The following SSBP2 variants were observed in gnomAD, a reference collection of about 807,000 sequenced individuals.
The protein encoded by SSBP2 is single-stranded DNA-binding protein 2.
SSBP2 carries 17 observed loss-of-function variants against 61.8 expected under a neutral mutation model. The ratio of observed to expected loss-of-function variants is 0.28; its 90% CI spans 0.19 to 0.41. SSBP2 has a LOEUF of 0.41. Among genes scored for constraint, SSBP2 ranks in the 10% least tolerant of loss-of-function variants. The pLI is 1.00. For synonymous variants in SSBP2, 139 were observed against 141.3 expected (o/e 0.98, Z 0.12); for missense variants, 310 against 458.7 (o/e 0.68, Z 2.96).
At chr5:81,427,639 C>T (rs11740719) in intron 16 of SSBP2, among the ~76,000 whole-genome samples, 57,195 of 152,042 alleles carry the variant, frequency 0.38, 12,484 homozygotes, top group African/African-American at 0.61. Context: ...TAGTCTCTCT[C>T]ATGATTCTGA....
At chr5:81,643,932 A>C (rs1218946444) in intron 2 of SSBP2, among the ~76,000 whole-genome samples, 2 of 152,188 alleles carry the variant, frequency 1.3e-5, no homozygotes, top group Non-Finnish European at 2.9e-5. Context: ...TCAAAAAATT[A>C]AAGGCAATAG....
At chr5:81,728,614 G>A (rs755937012) in intron 1 of SSBP2, among the ~76,000 whole-genome samples, 4 of 152,156 alleles carry the variant, frequency 2.6e-5, no homozygotes, top group Non-Finnish European at 5.9e-5. Flanking sequence ...CAATAATAGT[G>A]TGGATCAGAT....
intron 5 of SSBP2, among the ~76,000 whole-genome samples, chr5:81,503,022 C>T (rs1163546968): frequency 2.0e-5 from 3 of 152,120 alleles, no homozygotes; most frequent in Admixed American, 6.5e-5. Context: ...AGGACATAGA[C>T]ACTTTTCAGA....
chr5:81,481,360 G>A (rs1249649642), intron 6 of SSBP2, among the ~76,000 whole-genome samples: 1 of 151,992 alleles, frequency 6.6e-6, no homozygotes, highest in Non-Finnish European at 1.5e-5. Flanking sequence ...AGTGGCTCAC[G>A]CCTGTAATCT....
intron 4 of SSBP2, among the ~76,000 whole-genome samples, chr5:81,604,969 G>A (rs1161739915): frequency 1.3e-5 from 2 of 151,946 alleles, no homozygotes; most frequent in Non-Finnish European, 2.9e-5. Flanking sequence ...TGAGAAATTT[G>A]TTAATTGAAA....
intron 3 of SSBP2, among the ~76,000 whole-genome samples, chr5:81,627,545 T>G (rs963362941): frequency 6.6e-6 from 1 of 152,194 alleles, no homozygotes; most frequent in African/African-American, 2.4e-5. Flanking sequence ...TTGGTTATTC[T>G]TAGCTATACC....
At chr5:81,598,705 A>T (rs1466533161) in intron 4 of SSBP2, among the ~76,000 whole-genome samples, 4 of 152,132 alleles carry the variant, frequency 2.6e-5, no homozygotes, top group African/African-American at 9.7e-5. Flanking sequence ...CCTGAAGGAA[A>T]ATCAAAACTT....
chr5:81,450,697 T>C (rs1240982208), intron 10 of SSBP2, among the ~76,000 whole-genome samples: 1 of 152,224 alleles, frequency 6.6e-6, no homozygotes, highest in Non-Finnish European at 1.5e-5. Flanking sequence ...AATTCCACCA[T>C]GTTTACTTAG....
intron 9 of SSBP2, among the ~76,000 whole-genome samples, chr5:81,466,599 T>C (rs905293369): frequency 3.5e-4 from 53 of 152,018 alleles, no homozygotes; most frequent in African/African-American, 1.2e-3. Context: ...TATCTACTTC[T>C]ACAGAGTTAA....
At chr5:81,566,391 G>A (rs1773426327) in intron 4 of SSBP2, among the ~76,000 whole-genome samples, 1 of 152,116 alleles carries the variant, frequency 6.6e-6, no homozygotes, top group South Asian at 2.1e-4. Context: ...AGTCTCACAA[G>A]ACCTGACAGT....
At chr5:81,714,504 T>G (rs544280003) in intron 1 of SSBP2, among the ~76,000 whole-genome samples, 22 of 152,334 alleles carry the variant, frequency 1.4e-4, no homozygotes, top group Non-Finnish European at 3.1e-4. Context: ...ATGGTTGAAC[T>G]AATTTACACT....
intron 5 of SSBP2, among the ~76,000 whole-genome samples, chr5:81,505,574 A>G (rs1201046716): frequency 6.6e-6 from 1 of 152,160 alleles, no homozygotes; most frequent in Non-Finnish European, 1.5e-5. Context: ...CATATTTACA[A>G]TTTCCTCTCT....
intron 4 of SSBP2, among the ~76,000 whole-genome samples, chr5:81,548,331 T>C (rs1177397977): frequency 2.6e-5 from 4 of 152,176 alleles, no homozygotes; most frequent in African/African-American, 9.7e-5. Context: ...GGGCGCAGCA[T>C]GCTGATAAAA....
intron 4 of SSBP2, among the ~76,000 whole-genome samples, chr5:81,590,117 C>G (rs548649168): frequency 1.3e-5 from 2 of 151,990 alleles, no homozygotes; most frequent in Admixed American, 1.3e-4. Flanking sequence ...CAAACTGTCT[C>G]GCTCATAAGT....
At chr5:81,653,948 C>T (rs903882394) in intron 1 of SSBP2, among the ~76,000 whole-genome samples, 3 of 151,966 alleles carry the variant, frequency 2.0e-5, no homozygotes, top group Non-Finnish European at 2.9e-5. Context: ...AAGCTCCAAA[C>T]CTACTTCTCC....
chr5:81,739,645 CA>C (rs1653266074), intron 1 of SSBP2, among the ~76,000 whole-genome samples: 1 of 152,114 alleles, frequency 6.6e-6, no homozygotes, highest in African/African-American at 2.4e-5. Context: ...AGACGGTTAA[CA>C]TTTTTTTAAT....
chr5:81,746,339 C>T (rs1757346293), intron 1 of SSBP2, among the ~76,000 whole-genome samples: 1 of 151,970 alleles, frequency 6.6e-6, no homozygotes, highest in Non-Finnish European at 1.5e-5. Flanking sequence ...GGGGGAGGGG[C>T]AATTTAATAT....
intron 4 of SSBP2, among the ~76,000 whole-genome samples, chr5:81,614,874 T>C (rs1581171065): frequency 6.6e-6 from 1 of 150,648 alleles, no homozygotes; most frequent in African/African-American, 2.4e-5. Context: ...GCAGTCCTTC[T>C]AAAAAAAAAT....
At chr5:81,453,735 C>T (rs926928112) in intron 10 of SSBP2, among the ~76,000 whole-genome samples, 5 of 152,130 alleles carry the variant, frequency 3.3e-5, no homozygotes, top group African/African-American at 9.7e-5. Context: ...GGATTACAGG[C>T]GTGAGCCACT....
Sources: allele counts gnomAD v4.1 joint callset (sites outside exome capture counted in the v4.1 genomes callset), GRCh38; gene constraint gnomAD v4.1.1; transcripts MANE v1.5; gene names NCBI Gene and HGNC (gene_info 2026-07-23, HGNC 2026-07-21).